Variants in CLTCL1 observed in about 807,000 individuals in gnomAD.
The protein encoded by CLTCL1 is clathrin heavy chain 2.
CLTCL1 carries 159 observed loss-of-function variants against 190.0 expected under a neutral mutation model. The ratio of observed to expected loss-of-function variants is 0.84; its 90% CI spans 0.74 to 0.95. CLTCL1 has a LOEUF of 0.95. Ranked by LOEUF, CLTCL1 falls within the 40% of genes least tolerant of loss-of-function variation. The probability of loss-of-function intolerance (pLI) is 0.00; values close to 1 mark genes in which losing one functional copy is unlikely to be tolerated. For missense variants in CLTCL1, 1,878 were observed against 2,033.4 expected (o/e 0.92, Z 1.47); for synonymous variants, 752 against 769.6 (o/e 0.98, Z 0.38).
At chr22:19,228,816 G>T (rs2085834117) in intron 11 of CLTCL1, among the ~76,000 whole-genome samples, 1 of 152,158 alleles carries the variant, frequency 6.6e-6, no homozygotes, top group Non-Finnish European at 1.5e-5. Flanking sequence ...ACAGACATGT[G>T]ATTTGATTAT....
At chr22:19,207,659 G>A (rs1038165929) in intron 22 of CLTCL1, 2 of 438,590 alleles carry the variant, frequency 4.6e-6, no homozygotes, top group Non-Finnish European at 8.0e-6. Context: ...GCAGGCAAGC[G>A]AGTGAAGCTT....
chr22:19,243,390 G>A (rs1008149834), intron 3 of CLTCL1, among the ~76,000 whole-genome samples: 1 of 152,134 alleles, frequency 6.6e-6, no homozygotes, highest in Admixed American at 6.5e-5. Flanking sequence ...TAGCACCTTG[G>A]GAGAATCACT....
At chr22:19,283,265 T>C (rs1555988050) in intron 1 of CLTCL1, among the ~76,000 whole-genome samples, 1 of 151,864 alleles carries the variant, frequency 6.6e-6, no homozygotes, top group African/African-American at 2.4e-5. Flanking sequence ...CTACACATTT[T>C]TAAAAAAATT....
At chr22:19,189,956 T>C (rs1555930577) in intron 27 of CLTCL1, among the ~76,000 whole-genome samples, 2 of 152,216 alleles carry the variant, frequency 1.3e-5, no homozygotes, top group Non-Finnish European at 1.5e-5. Context: ...CAATAATTTA[T>C]TGTTTTTTTT....
Position 19,234,566 on chromosome 22 carries a change from G to T in CLTCL1, c.1110C>A (p.Thr370=). The change falls in exon 7 of 33, where the codon ACC becomes ACA. Residue 370 remains threonine, a synonymous_variant. Coordinates refer to ENST00000427926, the MANE Select transcript of CLTCL1 (RefSeq NM_007098.4). ...AEKLFVRKFN[T]LFAQGSYAEA... ...CAGCATAGCTGCCCTGTGCAAAGAG[G>T]GTATTGAATTTTCTCACAAACAACT... 6.2e-7 allele frequency: 1 copy of T among 1,613,950 alleles called. No homozygotes were observed. Among genetic ancestry groups the T allele is most frequent in the Middle Eastern group, 1.7e-4 (1 of 6,056 alleles).
intron 22 of CLTCL1, among the ~76,000 whole-genome samples, chr22:19,204,466 G>A (rs570261610): frequency 2.0e-5 from 3 of 152,170 alleles, no homozygotes; most frequent in Admixed American, 6.5e-5. Flanking sequence ...CCGTTCCAAC[G>A]CTTCTTATCC....
In CLTCL1 at chr22:19,201,331, C is replaced by G; in HGVS notation, c.3763G>C (p.Glu1255Gln). 1 of 1,609,820 alleles carries G rather than the reference C, an allele frequency of 6.2e-7. No homozygotes were observed. Among genetic ancestry groups the G allele is most frequent in the Non-Finnish European group, 8.5e-7 (1 of 1,178,390 alleles). Reference protein sequence around the residue: ...RKASSTRTWKEVCFACMDGQE... With the variant: ...RKASSTRTWKQVCFACMDGQE... Reference sequence around the variant, plus strand: ...GTCTGCAGTTGCCCGCAGCTCACCTCCTTCCACGTCCGGGTGCTGCTGGCC... The same window carrying G: ...GTCTGCAGTTGCCCGCAGCTCACCTGCTTCCACGTCCGGGTGCTGCTGGCC... The change falls in exon 23 of 33, where the codon GAG becomes CAG. Residue 1255 changes from glutamate (E) to glutamine (Q), a missense_variant and splice_region_variant. Coordinates refer to ENST00000427926, the MANE Select transcript of CLTCL1 (RefSeq NM_007098.4).
chr22:19,248,837 G>A (rs1300811096), intron 3 of CLTCL1, among the ~76,000 whole-genome samples: 1 of 152,188 alleles, frequency 6.6e-6, no homozygotes, highest in Non-Finnish European at 1.5e-5. Flanking sequence ...TTACAGGCAT[G>A]AGCCACTGTG....
intron 2 of CLTCL1, among the ~76,000 whole-genome samples, chr22:19,265,085 A>G (rs2518853): frequency 0.071 from 10,839 of 152,188 alleles, 471 homozygotes; most frequent in Middle Eastern, 0.17. Flanking sequence ...CACCGTGCCC[A>G]GCCGAAATTT....
At chr22:19,236,474 A>G (rs1166834337) in intron 5 of CLTCL1, among the ~76,000 whole-genome samples, 2 of 152,222 alleles carry the variant, frequency 1.3e-5, no homozygotes, top group Non-Finnish European at 2.9e-5. Context: ...ACAGAAAAAT[A>G]TTTAACACAC....
intron 19 of CLTCL1, among the ~76,000 whole-genome samples, chr22:19,213,304 TA>T (rs148667336): frequency 0.072 from 10,914 of 152,178 alleles, 471 homozygotes; most frequent in Middle Eastern, 0.17. Flanking sequence ...CTGGCTAAGA[TA>T]AAAAAATACC....
intron 15 of CLTCL1, 97 bp from the exon 16 acceptor site, chr22:19,222,190 G>C (rs2085594639): frequency 2.3e-6 from 3 of 1,300,370 alleles, no homozygotes; most frequent in Middle Eastern, 2.3e-4. Flanking sequence ...ACCCTGAAAG[G>C]GCTCCTGTTT....
Position 19,233,452 on chromosome 22 carries a change from T to C in CLTCL1, c.1338A>G (p.Gln446=). Residue 446 remains glutamine, a synonymous_variant, in exon 8 of 33, where the codon CAA becomes CAG. Coordinates refer to ENST00000427926, the MANE Select transcript of CLTCL1 (RefSeq NM_007098.4). The stretch of plus-strand genomic sequence containing the variant: ...CTTCTTTCAGCCACTTCTCTAGGAG[T>C]TGCTTACGCCCCTGCTGAAGAACCA... ...CHLVLQQGRK[Q]LLEKWLKEDK... 6.2e-7 allele frequency: 1 copy of C among 1,613,672 alleles called. No homozygotes were observed. Among genetic ancestry groups the C allele is most frequent in the South Asian group, 1.1e-5 (1 of 91,064 alleles).
intron 25 of CLTCL1, 24 bp from the exon 26 acceptor site, chr22:19,196,439 C>T: frequency 3.7e-6 from 6 of 1,613,920 alleles, no homozygotes; most frequent in Non-Finnish European, 4.2e-6. Context: ...TCAGGGTCGG[C>T]TTGTGCTGCA....
intron 18 of CLTCL1, among the ~76,000 whole-genome samples, chr22:19,219,117 G>C (rs2085481979): frequency 6.6e-6 from 1 of 152,106 alleles, no homozygotes; most frequent in Non-Finnish European, 1.5e-5. Context: ...TTTTAGGCAA[G>C]CTATTTCTGC....
intron 20 of CLTCL1, among the ~76,000 whole-genome samples, chr22:19,209,806 G>A (rs1339407620): frequency 1.3e-5 from 2 of 152,218 alleles, no homozygotes; most frequent in East Asian, 3.8e-4. Flanking sequence ...TCATAGACTG[G>A]AAAGAAAGGG....
intron 24 of CLTCL1, among the ~76,000 whole-genome samples, chr22:19,196,899 A>G (rs1167436023): frequency 6.6e-6 from 1 of 152,184 alleles, no homozygotes; most frequent in Non-Finnish European, 1.5e-5. Flanking sequence ...AGTAAGTGCA[A>G]ATTAGTATTG....
intron 2 of CLTCL1, among the ~76,000 whole-genome samples, chr22:19,263,475 C>T (rs903152503): frequency 2.0e-5 from 3 of 152,052 alleles, no homozygotes; most frequent in African/African-American, 7.2e-5. Flanking sequence ...AGTGCAGTGG[C>T]GCAGTCTTGG....
chr22:19,224,551 T>A (rs7288477), intron 13 of CLTCL1, among the ~76,000 whole-genome samples: 109 of 152,164 alleles, frequency 7.2e-4, no homozygotes, highest in African/African-American at 2.5e-3. Context: ...TTCCTCATCA[T>A]TACAGAGGCC....
Sources: allele counts gnomAD v4.1 joint callset (sites outside exome capture counted in the v4.1 genomes callset), GRCh38; gene constraint gnomAD v4.1.1; transcripts MANE v1.5; gene names NCBI Gene and HGNC (gene_info 2026-07-23, HGNC 2026-07-21).